COL4A6: variants seen among roughly 807,000 people sequenced by gnomAD.
COL4A6 encodes collagen type IV alpha 6 chain.
In COL4A6, 59 loss-of-function variants were observed where a neutral mutation model predicts 126.7. The ratio of observed to expected loss-of-function variants is 0.47; its 90% confidence interval spans 0.38 to 0.58. The LOEUF is 0.58. COL4A6 is among the 20% of genes least tolerant of loss of function. COL4A6 has a pLI of 0.00. For synonymous variants in COL4A6, 547 were observed against 496.6 expected, an observed-to-expected ratio of 1.10 and a Z score of -1.35; for missense variants, 1,285 against 1,337.3, an observed-to-expected ratio of 0.96 and a Z score of 0.61.
chrX:108,213,999 G>T (rs2035786002), intron 6 of COL4A6, 113 bp downstream of exon 6: 1 of 588,617 alleles, frequency 1.7e-6, no homozygotes, highest in Non-Finnish European at 2.9e-6. Flanking sequence ...ATTGGACAAG[G>T]GTGTGTAGTG....
At chrX:108,194,850 G>T (rs2035160346) in intron 15 of COL4A6, among the ~76,000 whole-genome samples, 1 of 111,902 alleles carries the variant, frequency 8.9e-6, no homozygotes, top group African/African-American at 3.3e-5. Context: ...CTGACAGCAT[G>T]CCAAAGATGT....
chrX:108,179,161 C>T lies in COL4A6; in HGVS notation c.2353+56G>A, dbSNP rs55655600. 0.025 allele frequency: 26,397 copies of T among 1,059,189 alleles called. 291 individuals carry two copies. Among genetic ancestry groups the T allele is most frequent in the East Asian group, 0.079 (2,597 of 32,803 alleles). 87.3% of individuals were successfully genotyped at this position (1,059,189 alleles called of 1,213,427 possible). A position where few individuals can be genotyped will look rare whatever the true frequency, so the allele number is the denominator to read the frequency against. On this transcript the variant is annotated intron_variant, in intron 26 of 44. Coordinates refer to ENST00000334504, the MANE Select transcript of COL4A6 (RefSeq NM_033641.4). ...TCATGCAAGTATTCATGGAAGTATA[C>T]GAATTAATATAAGGCTTTCTGTAGA...
At chrX:108,162,650 C>T (rs1054424570) in intron 41 of COL4A6, among the ~76,000 whole-genome samples, 14 of 111,146 alleles carry the variant, frequency 1.3e-4, no homozygotes, top group Non-Finnish European at 2.1e-4. Flanking sequence ...TAGAGAGGGG[C>T]GAGTGGTCTG....
At chrX:108,266,028 G>A (rs1420125793) in intron 3 of COL4A6, among the ~76,000 whole-genome samples, 1 of 111,917 alleles carries the variant, frequency 8.9e-6, no homozygotes, top group East Asian at 2.8e-4. Flanking sequence ...GCTGGGGAGG[G>A]CATCCTTGGA....
chrX:108,295,509 G>A (rs2038297756), intron 3 of COL4A6, among the ~76,000 whole-genome samples: 2 of 112,882 alleles, frequency 1.8e-5, no homozygotes, highest in East Asian at 2.8e-4. Flanking sequence ...ATGCTGTTTT[G>A]AAAATAAAGT....
intron 3 of COL4A6, among the ~76,000 whole-genome samples, chrX:108,262,958 T>A (rs2037204558): frequency 9.0e-6 from 1 of 111,476 alleles, no homozygotes. Flanking sequence ...TATTGGAATC[T>A]ACATTTCACA....
intron 2 of COL4A6, among the ~76,000 whole-genome samples, chrX:108,425,735 C>T (rs1379068046): frequency 1.0e-5 from 1 of 95,467 alleles, no homozygotes; most frequent in Admixed American, 1.1e-4. Context: ...CACACACAAA[C>T]ACACACACAC....
chrX:108,283,504 C>G (rs1206445698), intron 3 of COL4A6, among the ~76,000 whole-genome samples: 1 of 111,414 alleles, frequency 9.0e-6, no homozygotes, highest in Non-Finnish European at 1.9e-5. Flanking sequence ...CCTGTCAGTT[C>G]AAATAATGTT....
Position 108,259,216 on chromosome X carries a change from G to A in COL4A6, c.145-37842C>T, listed in dbSNP as rs928055374. 5.4e-5 allele frequency among the ~76,000 whole-genome samples: 6 copies of A among 111,217 alleles called. 1 individual carries two copies. The highest frequency in any genetic ancestry group is 5.7e-4 in the East Asian group (2 of 3,531). ...GTAAGACCCCACAGTTAATCCCATC[G>A]TTTAAATTAATGGGCTGCTATTTCT... On this transcript the variant is annotated intron_variant, in intron 3 of 44. Transcript: ENST00000334504.
chrX:108,259,484 G>A lies in COL4A6; in HGVS notation c.145-38110C>T, dbSNP rs931811554. 2.5e-4 allele frequency among the ~76,000 whole-genome samples: 28 copies of A among 111,587 alleles called. 1 individual carries two copies. The highest frequency in any genetic ancestry group is 9.1e-4 in the African/African-American group (28 of 30,742). ...AATGTACAAGTACTACTACATGGTG[G>A]GCTCAAGGCAGTGTCTTGCGGGATT... On this transcript the variant is annotated intron_variant, in intron 3 of 44. Transcript: ENST00000334504.
intron 2 of COL4A6, among the ~76,000 whole-genome samples, chrX:108,422,296 T>C (rs1294788929): frequency 9.0e-6 from 1 of 110,820 alleles, no homozygotes; most frequent in Non-Finnish European, 1.9e-5. Context: ...AGCCCAGGAG[T>C]TCCAGGCTGC....
rs762763709 is a variant in COL4A6 at position 108,242,955 on chromosome X, AAAG to A, written c.145-21584_145-21582del. On this transcript the variant is annotated intron_variant, in intron 3 of 44. Coordinates refer to ENST00000334504, the MANE Select transcript of COL4A6 (RefSeq NM_033641.4). ...GTTGCAAGTATTTGGCAAAATAAAG[AAAG>A]AAGAAGACTCTCTAGATTAGAAACA... is the stretch of plus-strand genomic sequence containing the variant. Among the ~76,000 whole-genome samples the A allele has an allele frequency of 1.6e-3, 183 of 111,882 alleles. 1 individual carries two copies. The East Asian group carries it at 0.037, about 23-fold the overall frequency.
At chrX:108,429,690 G>T (rs1226004280) in intron 2 of COL4A6, among the ~76,000 whole-genome samples, 1 of 111,273 alleles carries the variant, frequency 9.0e-6, no homozygotes, top group Non-Finnish European at 1.9e-5. Context: ...CACTCAAAAA[G>T]AAAAAAGAAA....
chrX:108,277,231 C>A (rs766618525), intron 3 of COL4A6, among the ~76,000 whole-genome samples: 5 of 111,862 alleles, frequency 4.5e-5, no homozygotes, highest in African/African-American at 1.6e-4. Flanking sequence ...GTTCCCTTTC[C>A]TAGCCAAAGA....
chrX:108,407,127 T>C (rs1470080577), intron 2 of COL4A6, among the ~76,000 whole-genome samples: 1 of 112,647 alleles, frequency 8.9e-6, no homozygotes, highest in Non-Finnish European at 1.9e-5. Context: ...GAATTATATG[T>C]AATAGAACGG....
intron 2 of COL4A6, among the ~76,000 whole-genome samples, chrX:108,434,376 C>T (rs1490423452): frequency 8.2e-5 from 9 of 109,854 alleles, no homozygotes; most frequent in Admixed American, 7.8e-4. Flanking sequence ...GATGATGGTG[C>T]GTCACAGCCT....
At chrX:108,216,588 C>G (rs1429161283) in intron 5 of COL4A6, among the ~76,000 whole-genome samples, 2 of 112,678 alleles carry the variant, frequency 1.8e-5, no homozygotes, top group Non-Finnish European at 3.8e-5. Context: ...CTCAGAACCA[C>G]AGAATTTCTG....
chrX:108,219,084 G>C (rs1301389347), intron 5 of COL4A6, among the ~76,000 whole-genome samples: 3 of 112,363 alleles, frequency 2.7e-5, no homozygotes, highest in Non-Finnish European at 5.6e-5. Context: ...GAAACTAAGG[G>C]ATTAGGCTGG....
chrX:108,284,965 T>C (rs1486253856), intron 3 of COL4A6, among the ~76,000 whole-genome samples: 2 of 111,860 alleles, frequency 1.8e-5, no homozygotes, highest in African/African-American at 6.5e-5. Flanking sequence ...TATCTTCCCT[T>C]TACCTCAACT....
Sources: allele counts gnomAD v4.1 joint callset (sites outside exome capture counted in the v4.1 genomes callset), GRCh38; gene constraint gnomAD v4.1.1; transcripts MANE v1.5; gene names NCBI Gene and HGNC (gene_info 2026-07-23, HGNC 2026-07-21).